The following CEP85L variants were observed in gnomAD, a reference collection of about 807,000 sequenced individuals.
CEP85L encodes centrosomal protein 85L, also known as centrosomal protein of 85 kDa-like.
Under a neutral mutation model 100.3 loss-of-function variants are expected in CEP85L, and 60 were observed. The ratio of observed to expected loss-of-function variants is 0.60; its 90% CI spans 0.49 to 0.74. The LOEUF (loss-of-function observed/expected upper bound fraction) is 0.74, where lower values mean the gene tolerates loss of function less well. Ranked by LOEUF, CEP85L falls within the 30% of genes least tolerant of loss-of-function variation. CEP85L has a pLI of 0.00. For missense variants in CEP85L, 973 were observed against 936.2 expected, an observed-to-expected ratio of 1.04 and a Z score of -0.51; for synonymous variants, 319 against 322.7, an observed-to-expected ratio of 0.99 and a Z score of 0.12.
intron 3 of CEP85L, among the ~76,000 whole-genome samples, chr6:118,551,098 C>A (rs892504550): frequency 2.6e-5 from 4 of 152,008 alleles, no homozygotes; most frequent in African/African-American, 9.6e-5. Flanking sequence ...GTTAACATCT[C>A]CTCAAAACTT....
At chr6:118,707,820 A>G (rs979724245) in intron 1 of CEP85L, among the ~76,000 whole-genome samples, 1 of 152,220 alleles carries the variant, frequency 6.6e-6, no homozygotes, top group African/African-American at 2.4e-5. Flanking sequence ...TGAACCAATG[A>G]ACATATATAA....
At chr6:118,641,828 GA>G (rs11289822) in intron 1 of CEP85L, among the ~76,000 whole-genome samples, 77,500 of 149,538 alleles carry the variant, frequency 0.52, 20,265 homozygotes, top group Middle Eastern at 0.58. Flanking sequence ...TTTTGCAAGA[GA>G]AAAAAAAAAA....
chr6:118,529,866 T>C (rs1199386924), intron 3 of CEP85L, among the ~76,000 whole-genome samples: 3 of 152,064 alleles, frequency 2.0e-5, no homozygotes, highest in African/African-American at 7.2e-5. Flanking sequence ...CTAAAAGTTA[T>C]TGAAAATGAA....
In CEP85L at chr6:118,465,377, T is replaced by C; in HGVS notation, c.*28A>G. 6.2e-7 allele frequency: 1 copy of C among 1,603,050 alleles called. No individual in the cohort carries two copies. The highest frequency in any genetic ancestry group is 1.1e-5 in the South Asian group (1 of 89,848). On this transcript the variant is annotated 3_prime_UTR_variant, in exon 13 of 13. Coordinates refer to ENST00000368491, the MANE Select transcript of CEP85L (RefSeq NM_001042475.3). ...AACACAGCAGCATTTAAACAACAGG[T>C]CATTATTGCTGTGGGACTAACACTT...
chr6:118,476,982 A>G (rs1773429223), intron 10 of CEP85L, among the ~76,000 whole-genome samples: 3 of 152,042 alleles, frequency 2.0e-5, no homozygotes, highest in Admixed American at 2.0e-4. Context: ...CTTTTGAGAA[A>G]TAAGAAGGAA....
chr6:118,478,844 T>C (rs1773574771), intron 10 of CEP85L, among the ~76,000 whole-genome samples: 3 of 152,134 alleles, frequency 2.0e-5, no homozygotes, highest in African/African-American at 4.8e-5. Flanking sequence ...TGGGGGAAAA[T>C]GCACATTTCA....
chr6:118,651,599 C>A, upstream of CEP85L: 2 of 1,084,740 alleles, frequency 1.8e-6, no homozygotes, highest in Non-Finnish European at 2.2e-6. Context: ...TCTCCGCCCC[C>A]TCCGCCGGCA....
At chr6:118,646,003 G>A (rs551045607) in intron 1 of CEP85L, among the ~76,000 whole-genome samples, 1 of 152,240 alleles carries the variant, frequency 6.6e-6, no homozygotes, top group Admixed American at 6.5e-5. Flanking sequence ...CAGATCACGA[G>A]GTCAGGAATT....
At chr6:118,546,569 T>G (rs1778215811) in intron 3 of CEP85L, among the ~76,000 whole-genome samples, 1 of 152,188 alleles carries the variant, frequency 6.6e-6, no homozygotes, top group Non-Finnish European at 1.5e-5. Context: ...AATTTCTCAG[T>G]TACTATATGC....
intron 12 of CEP85L, 43 bp from the exon 13 acceptor site, chr6:118,465,611 A>G: frequency 6.3e-7 from 1 of 1,584,778 alleles, no homozygotes; most frequent in Non-Finnish European, 8.6e-7. Flanking sequence ...CATTTTTTTG[A>G]ACAAAGACAT....
intron 2 of CEP85L, among the ~76,000 whole-genome samples, chr6:118,578,593 G>A (rs1006766063): frequency 3.9e-5 from 6 of 152,120 alleles, no homozygotes; most frequent in African/African-American, 1.4e-4. Flanking sequence ...GCTGGGCGTG[G>A]TGGTGGGCGC....
At position 118,462,997 on chromosome 6, in the gene CEP85L, C is replaced by A. The variant is rs1184386655; in HGVS notation, c.*2408G>T. 1 of 151,684 alleles carries A rather than the reference C, an allele frequency of 6.6e-6. No homozygotes were observed. Among genetic ancestry groups the A allele is most frequent in the Non-Finnish European group, 1.5e-5 (1 of 67,866 alleles). 9.4% of individuals were successfully genotyped at this position (151,684 alleles called of 1,614,324 possible). ...TAATTCAGCTAACTACTTAAACTAGCACATCTTAACTCCCTTTTTTATGGG... is the reference window on the plus strand; with the variant it reads ...TAATTCAGCTAACTACTTAAACTAGAACATCTTAACTCCCTTTTTTATGGG... On this transcript the variant is annotated 3_prime_UTR_variant, in exon 13 of 13. Coordinates refer to ENST00000368491, the MANE Select transcript of CEP85L (RefSeq NM_001042475.3).
intron 1 of CEP85L, among the ~76,000 whole-genome samples, chr6:118,690,647 G>A (rs1025023505): frequency 6.6e-6 from 1 of 152,236 alleles, no homozygotes; most frequent in Non-Finnish European, 1.5e-5. Flanking sequence ...ATCCAAAGCT[G>A]CTGGTGGCCA....
intron 1 of CEP85L, among the ~76,000 whole-genome samples, chr6:118,668,183 T>C (rs1391841301): frequency 6.6e-6 from 1 of 152,216 alleles, no homozygotes; most frequent in East Asian, 1.9e-4. Context: ...GGTAAGAATA[T>C]GCAGTGCTTG....
At chr6:118,527,079 G>GA (rs1777018566) in intron 3 of CEP85L, among the ~76,000 whole-genome samples, 1 of 145,458 alleles carries the variant, frequency 6.9e-6, no homozygotes, top group South Asian at 2.2e-4. Flanking sequence ...GCGATGGCGC[G>GA]ATAGAGCTCA....
intron 2 of CEP85L, among the ~76,000 whole-genome samples, chr6:118,618,838 G>A (rs745519436): frequency 5.3e-5 from 8 of 152,118 alleles, no homozygotes; most frequent in East Asian, 1.9e-4. Flanking sequence ...CCAGGCCCAC[G>A]TAAATTGGGC....
chr6:118,468,559 T>C (rs930086924), intron 12 of CEP85L, among the ~76,000 whole-genome samples: 37 of 152,266 alleles, frequency 2.4e-4, no homozygotes, highest in African/African-American at 8.9e-4. Context: ...AGTGAATGGG[T>C]GTCACATTAA....
chr6:118,543,674 G>A (rs914149742), intron 3 of CEP85L, among the ~76,000 whole-genome samples: 22 of 152,078 alleles, frequency 1.4e-4, no homozygotes, highest in Non-Finnish European at 1.8e-4. Context: ...AAAATAATTC[G>A]GATAGAAGAA....
chr6:118,556,192 T>C (rs1439864215), intron 3 of CEP85L, among the ~76,000 whole-genome samples: 2 of 152,206 alleles, frequency 1.3e-5, no homozygotes, highest in Non-Finnish European at 2.9e-5. Context: ...GGTCGAATGG[T>C]AGTTCTGCTT....
Sources: gnomAD v4.1 joint callset for allele counts (sites outside exome capture counted in the v4.1 genomes callset) on GRCh38, gnomAD v4.1.1 for gene constraint, MANE v1.5 for transcripts, NCBI Gene and HGNC (gene_info 2026-07-23, HGNC 2026-07-21) for gene names.